PRKAG1: variants seen among roughly 807,000 people sequenced by gnomAD.
PRKAG1 encodes protein kinase AMP-activated non-catalytic subunit gamma 1, also known as 5'-AMP-activated protein kinase subunit gamma-1.
PRKAG1 carries 27 observed loss-of-function variants against 48.2 expected under a neutral mutation model. The ratio of observed to expected loss-of-function variants is 0.56; its 90% CI spans 0.41 to 0.77. PRKAG1 has a LOEUF of 0.77. PRKAG1 is among the 30% of genes least tolerant of loss of function. The pLI is 0.00. For missense variants in PRKAG1, 287 were observed against 398.3 expected (o/e 0.72, Z 2.38); for synonymous variants, 130 against 147.7 (o/e 0.88, Z 0.87).
Position 49,005,802 on chromosome 12 carries a change from G to T in PRKAG1, c.109C>A (p.Arg37Ser). 1 of 1,613,948 alleles carries T rather than the reference G, an allele frequency of 6.2e-7. No homozygotes were observed. The highest frequency in any genetic ancestry group is 8.5e-7 in the Non-Finnish European group (1 of 1,179,934). ...SVYTSFMKSH[R>S]CYDLIPTSSK... ...CTTGTGGGAATCAGGTCATAGCAGC[G>T]ATGAGACTTCATGAAGGAAGTATAC... Residue 37 changes from arginine to serine, a missense_variant, in exon 3 of 12, where the codon CGC (arginine) becomes AGC (serine). Arg to Ser is a moderately radical substitution (Grantham distance 110). Around this residue, in one of 2 missense-constraint regions of PRKAG1, gnomAD observed 63 missense variants for 54.0 expected, o/e 1.17. Transcript: ENST00000548065. This position sits in a 1 kb window ranked among gnomAD's most constrained non-coding sequence, Gnocchi z 4.1.
intron 2 of PRKAG1, among the ~76,000 whole-genome samples, chr12:49,011,737 T>C (rs1941769509): frequency 6.6e-6 from 1 of 151,914 alleles, no homozygotes; most frequent in Non-Finnish European, 1.5e-5. Context: ...TAATTTTTTC[T>C]ACTTAGTAGA....
intron 1 of PRKAG1, 115 bp from the exon 2 acceptor site, chr12:49,013,225 C>A: frequency 1.1e-6 from 1 of 920,820 alleles, no homozygotes; most frequent in Non-Finnish European, 1.7e-6. Context: ...ACTATAAAGC[C>A]ACTGCCCCCG....
In PRKAG1 at chr12:49,004,815, G is replaced by T. The variant is rs797002489; in HGVS notation, c.410+149C>A. Reference sequence around the variant, plus strand: ...TGAGAATGAGAGAGAGAGAGAGACTGTGTGTGTGTGTGTGTGTGTGTGTGT... The same window carrying T: ...TGAGAATGAGAGAGAGAGAGAGACTTTGTGTGTGTGTGTGTGTGTGTGTGT... On this transcript the variant is annotated intron_variant, in intron 7 of 11. Coordinates refer to ENST00000548065, the MANE Select transcript of PRKAG1 (RefSeq NM_002733.5). 207 of 114,190 alleles carry T rather than the reference G, an allele frequency of 1.8e-3. 5 individuals carry two copies. In the African/African-American group the frequency reaches 0.027, roughly 15 times the overall value. 7.1% of individuals were successfully genotyped at this position (114,190 alleles called of 1,614,324 possible). A position where few individuals can be genotyped will look rare whatever the true frequency, so the allele number is the denominator to read the frequency against.
chr12:49,004,228 G>T, intron 8 of PRKAG1: 4 of 522,054 alleles, frequency 7.7e-6, no homozygotes, highest in Non-Finnish European at 1.0e-5. Context: ...GAGGTTGGAG[G>T]CTGCAGTGAG....
At chr12:49,004,105 C>G in intron 8 of PRKAG1, 183 bp from the exon 9 acceptor site, 1 of 733,620 alleles carries the variant, frequency 1.4e-6, no homozygotes, top group South Asian at 2.2e-5. Flanking sequence ...GCCTGGGCAA[C>G]ATGGCAAAAC....
chr12:49,004,328 A>G lies in PRKAG1; in HGVS notation c.537+179T>C, dbSNP rs1022756022. ...ATAAATAAATAAGAAGTGGGGCTGG[A>G]TGCAGTGGCTCACACCTGTAATCCT... is the stretch of plus-strand genomic sequence containing the variant. On this transcript the variant is annotated intron_variant, in intron 8 of 11. Transcript: ENST00000548065. The G allele has an allele frequency of 7.1e-6, 5 of 701,886 alleles. No homozygotes were observed. In the African/African-American group the frequency reaches 8.9e-5, roughly 13 times the overall value. The allele number at this position is 701,886 out of a possible 1,614,324, so 43.5% of individuals were successfully genotyped here.
At chr12:49,017,363 C>CCACCAT (rs4018509) in intron 1 of PRKAG1, 2 of 356,542 alleles carry the variant, frequency 5.6e-6, no homozygotes, top group African/African-American at 2.2e-5. Flanking sequence ...ACCACCACCA[C>CCACCAT]GCCTGGGTAA....
Position 49,003,908 on chromosome 12 carries a change from G to A in PRKAG1, c.552C>T (p.Pro184=). 6.2e-7 allele frequency: 1 copy of A among 1,602,860 alleles called. No individual in the cohort carries two copies. The highest frequency in any genetic ancestry group is 8.5e-7 in the Non-Finnish European group (1 of 1,174,260). The change falls in exon 9 of 12, where the codon CCC becomes CCT. Residue 184 remains proline, a synonymous_variant. Coordinates refer to ENST00000548065, the MANE Select transcript of PRKAG1 (RefSeq NM_002733.5). ...KFLKLFITEF[P]KPEFMSKSLE... ...GAGACTTGGACATGAACTCTGGCTT[G>A]GGGAACTCAGTGATCTGAGGAAAGA...
chr12:49,007,282 G>T (rs1301399544), intron 2 of PRKAG1, among the ~76,000 whole-genome samples: 1 of 118,818 alleles, frequency 8.4e-6, no homozygotes, highest in Non-Finnish European at 1.8e-5. Context: ...GTGAGACTCC[G>T]TCTCAAAAAA....
At chr12:49,004,826 T>TGTGTG in intron 7 of PRKAG1, 138 bp downstream of exon 7, 1 of 874,508 alleles carries the variant, frequency 1.1e-6, no homozygotes, top group East Asian at 2.5e-5. Flanking sequence ...TGTGTGTGTG[T>TGTGTG]GTGTGTGTGT....
At chr12:49,003,508 G>GT in intron 10 of PRKAG1, 50 bp downstream of exon 10, 1 of 1,371,370 alleles carries the variant, frequency 7.3e-7, no homozygotes, top group Non-Finnish European at 1.0e-6. Flanking sequence ...ATTTAACAGT[G>GT]CCCCCCCCCC....
At chr12:49,004,888 TG>T in intron 7 of PRKAG1, 75 bp downstream of exon 7, 1 of 1,480,250 alleles carries the variant, frequency 6.8e-7, no homozygotes, top group Admixed American at 1.7e-5. Flanking sequence ...CCCCTTTCCC[TG>T]GGTGTCTAGG....
intron 10 of PRKAG1, 50 bp downstream of exon 10, chr12:49,003,508 G>GCCCCCCCCCCCCCCCCCCCCC (rs67579566): frequency 7.7e-7 from 1 of 1,295,946 alleles, no homozygotes; most frequent in Non-Finnish European, 1.1e-6. Flanking sequence ...ATTTAACAGT[G>GCCCCCCCCCCCCCCCCCCCCC]CCCCCCCCCC....
chr12:49,018,370 A>T, intron 1 of PRKAG1: 1 of 1,001,334 alleles, frequency 1.0e-6, no homozygotes. Context: ...CCCGTGCCTC[A>T]CCCAGCAAAG....
Position 49,018,747 on chromosome 12 carries a change from A to T in PRKAG1, c.-7T>A, listed in dbSNP as rs777882461. ...CACTCCTCACCGTCTCCATTGCAAG[A>T]GGCGCCCGGCTTGGTTTCCTCGCTT... is the stretch of plus-strand genomic sequence containing the variant. On this transcript the variant is annotated 5_prime_UTR_variant, in exon 1 of 12. Coordinates refer to ENST00000548065, the MANE Select transcript of PRKAG1 (RefSeq NM_002733.5). The T allele has an allele frequency of 6.2e-7, 1 of 1,612,790 alleles. No homozygotes were observed. Among genetic ancestry groups the T allele is most frequent in the East Asian group, 2.2e-5 (1 of 44,886 alleles).
At chr12:49,015,184 GGA>G (rs1401986291) in intron 1 of PRKAG1, among the ~76,000 whole-genome samples, 1 of 152,106 alleles carries the variant, frequency 6.6e-6, no homozygotes, top group Non-Finnish European at 1.5e-5. Context: ...CTTATAAGTG[GGA>G]GAGAGGGCTG....
Position 49,003,192 on chromosome 12 carries a change from G to A in PRKAG1, c.840C>T (p.Tyr280=). ...SHYFEGVLKC[Y]LHETLETIIN... ...TGATGGTCTCCAGAGTCTCATGCAG[G>A]TAGCACTTGAGAACACCCTCAAAGT... is the stretch of plus-strand genomic sequence containing the variant. The change falls in exon 11 of 12, where the codon TAC becomes TAT. Residue 280 remains tyrosine, a synonymous_variant. Coordinates refer to ENST00000548065, the MANE Select transcript of PRKAG1 (RefSeq NM_002733.5). 1.2e-6 allele frequency: 2 copies of A among 1,614,188 alleles called. No homozygotes were observed. The highest frequency in any genetic ancestry group is 1.7e-6 in the Non-Finnish European group (2 of 1,180,042).
chr12:49,007,286 CA>C (rs143240191), intron 2 of PRKAG1, among the ~76,000 whole-genome samples: 2,091 of 112,166 alleles, frequency 0.019, 36 homozygotes, highest in African/African-American at 0.057. Context: ...GACTCCGTCT[CA>C]AAAAAAAAAA....
chr12:49,015,736 C>G (rs1335822876), intron 1 of PRKAG1, among the ~76,000 whole-genome samples: 2 of 152,098 alleles, frequency 1.3e-5, no homozygotes, highest in African/African-American at 4.8e-5. Flanking sequence ...CCACGCCCAG[C>G]TAAGTTTTTT....
Sources: allele counts gnomAD v4.1 joint callset (sites outside exome capture counted in the v4.1 genomes callset), GRCh38; gene constraint gnomAD v4.1.1; regional missense constraint gnomAD v4.1.1; non-coding constraint Gnocchi (gnomAD v3.1); transcripts MANE v1.5; gene names NCBI Gene and HGNC (gene_info 2026-07-23, HGNC 2026-07-21).